The following GRM8 variants were observed in gnomAD, a reference collection of about 807,000 sequenced individuals.
The protein encoded by GRM8 is metabotropic glutamate receptor 8.
In GRM8, 47 loss-of-function variants were observed where a neutral mutation model predicts 87.2. The ratio of observed to expected loss-of-function variants is 0.54; its 90% CI spans 0.43 to 0.69. The LOEUF (loss-of-function observed/expected upper bound fraction) is 0.69. Ranked by LOEUF, GRM8 falls within the 30% of genes least tolerant of loss-of-function variation. The pLI, the probability that GRM8 is intolerant of heterozygous loss-of-function variation, is 0.00. For synonymous variants in GRM8, 396 were observed against 404.5 expected (o/e 0.98, Z 0.25); for missense variants, 1,019 against 1,139.2 (o/e 0.89, Z 1.52).
chr7:126,643,322 ATATATATATATATAT>A (rs1802676247), intron 7 of GRM8, among the ~76,000 whole-genome samples: 1 of 12,796 alleles, frequency 7.8e-5, no homozygotes, highest in Non-Finnish European at 1.3e-4. Flanking sequence ...AAAAAAAAAT[ATATATATATATATAT>A]ATATATATAT....
chr7:126,471,953 A>G lies in GRM8; in HGVS notation c.2431-25581T>C, dbSNP rs559030995. Among the ~76,000 whole-genome samples the G allele has an allele frequency of 2.0e-3, 298 of 152,258 alleles. 2 individuals carry two copies. The highest frequency in any genetic ancestry group is 6.8e-3 in the African/African-American group (281 of 41,540). On this transcript the variant is annotated intron_variant, in intron 9 of 10. Transcript: ENST00000339582. ...TAGGTATTTTATTCTCTTTGAAGCA[A>G]TTGTGAATGGGAGTTCACTCATGAT... is the stretch of plus-strand genomic sequence containing the variant.
intron 9 of GRM8, among the ~76,000 whole-genome samples, chr7:126,517,640 T>G (rs1401112419): frequency 6.6e-6 from 1 of 151,812 alleles, no homozygotes; most frequent in Non-Finnish European, 1.5e-5. Context: ...ATTGATTATA[T>G]AAAATATTAT....
At chr7:126,779,969 TAAATGAGACAATGTA>T (rs1819887116) in intron 6 of GRM8, among the ~76,000 whole-genome samples, 1 of 152,186 alleles carries the variant, frequency 6.6e-6, no homozygotes, top group Non-Finnish European at 1.5e-5. Context: ...CTGTGAGGAT[TAAATGAGACAATGTA>T]AGGCATCTGG....
intron 3 of GRM8, among the ~76,000 whole-genome samples, chr7:126,928,943 G>T (rs1289151177): frequency 6.6e-6 from 1 of 152,166 alleles, no homozygotes; most frequent in Non-Finnish European, 1.5e-5. Flanking sequence ...GAATCCTCTT[G>T]CAGGTCAGAA....
chr7:126,739,015 T>C (rs918867072), intron 7 of GRM8, among the ~76,000 whole-genome samples: 2 of 151,636 alleles, frequency 1.3e-5, no homozygotes, highest in Non-Finnish European at 1.5e-5. Flanking sequence ...GAAGGAAATA[T>C]TGGTACAGGG....
intron 8 of GRM8, among the ~76,000 whole-genome samples, chr7:126,591,556 G>T (rs1368619654): frequency 6.6e-6 from 1 of 151,634 alleles, no homozygotes; most frequent in African/African-American, 2.4e-5. Flanking sequence ...AACATTCAAA[G>T]ATAAATTTAA....
At chr7:126,633,516 G>C (rs1332071124) in intron 7 of GRM8, among the ~76,000 whole-genome samples, 1 of 152,074 alleles carries the variant, frequency 6.6e-6, no homozygotes, top group African/African-American at 2.4e-5. Flanking sequence ...GGAGCACTTG[G>C]ATGACAAAAT....
intron 7 of GRM8, among the ~76,000 whole-genome samples, chr7:126,755,958 A>G (rs1310128159): frequency 6.6e-6 from 1 of 152,026 alleles, no homozygotes; most frequent in African/African-American, 2.4e-5. Context: ...TAATTCTTCA[A>G]TTCAACCTTA....
chr7:127,025,854 T>C (rs1485889958), intron 3 of GRM8, among the ~76,000 whole-genome samples: 1 of 151,976 alleles, frequency 6.6e-6, no homozygotes, highest in Non-Finnish European at 1.5e-5. Context: ...CATTTCTAGG[T>C]GATTTATATA....
At chr7:126,806,511 T>G (rs1453187336) in intron 6 of GRM8, among the ~76,000 whole-genome samples, 1 of 152,244 alleles carries the variant, frequency 6.6e-6, no homozygotes, top group Non-Finnish European at 1.5e-5. Flanking sequence ...ACCCACATCC[T>G]GCTGATTGGT....
chr7:127,019,087 A>G (rs1815995558), intron 3 of GRM8, among the ~76,000 whole-genome samples: 1 of 152,076 alleles, frequency 6.6e-6, no homozygotes, highest in South Asian at 2.1e-4. Context: ...GATGACATAT[A>G]CAGAAACAAA....
At chr7:126,851,333 C>A (rs1379462504) in intron 6 of GRM8, among the ~76,000 whole-genome samples, 1 of 152,106 alleles carries the variant, frequency 6.6e-6, no homozygotes, top group Non-Finnish European at 1.5e-5. Context: ...CTAACTGCCC[C>A]CACCCTGATT....
intron 3 of GRM8, among the ~76,000 whole-genome samples, chr7:126,963,841 A>G (rs1809561565): frequency 6.6e-6 from 1 of 152,200 alleles, no homozygotes; most frequent in African/African-American, 2.4e-5. Context: ...GAACCAAAAA[A>G]GAGCCCACAT....
chr7:127,058,349 T>C (rs1211238389), intron 3 of GRM8, among the ~76,000 whole-genome samples: 2 of 152,130 alleles, frequency 1.3e-5, no homozygotes, highest in African/African-American at 4.8e-5. Flanking sequence ...GATCTCAAAT[T>C]AGGAGAATTT....
chr7:127,236,457 G>A (rs1797985926), intron 2 of GRM8, among the ~76,000 whole-genome samples: 1 of 152,182 alleles, frequency 6.6e-6, no homozygotes, highest in Non-Finnish European at 1.5e-5. Context: ...CAAAGGAGAA[G>A]CAAGAAACCT....
At chr7:126,882,844 A>G (rs1379083750) in intron 6 of GRM8, among the ~76,000 whole-genome samples, 1 of 152,156 alleles carries the variant, frequency 6.6e-6, no homozygotes, top group Admixed American at 6.5e-5. Flanking sequence ...AATGTGAAAT[A>G]GTATCCTCAT....
At chr7:126,649,763 C>T (rs139013642) in intron 7 of GRM8, among the ~76,000 whole-genome samples, 6 of 152,276 alleles carry the variant, frequency 3.9e-5, no homozygotes, top group East Asian at 3.9e-4. Flanking sequence ...GCCCATTTAT[C>T]GAGTGACCCA....
chr7:126,504,352 T>C lies in GRM8; in HGVS notation c.2430+28600A>G, dbSNP rs75699047. On this transcript the variant is annotated intron_variant, in intron 9 of 10. Coordinates refer to ENST00000339582, the MANE Select transcript of GRM8 (RefSeq NM_000845.3). ...ATTCTCATATTAATTCAGTGTTTCA[T>C]CTGTTATTATAAGTCAAAATGTCCT... Among the ~76,000 whole-genome samples, 377 of 152,220 alleles carry C rather than the reference T, an allele frequency of 2.5e-3. 2 individuals carry two copies. The highest frequency in any genetic ancestry group is 8.2e-3 in the African/African-American group (342 of 41,566).
intron 6 of GRM8, among the ~76,000 whole-genome samples, chr7:126,853,343 C>A: frequency 6.6e-6 from 1 of 151,710 alleles, no homozygotes; most frequent in Non-Finnish European, 1.5e-5. Context: ...TTTTTTAAGT[C>A]TTTGTTCTCT....
Sources: allele counts gnomAD v4.1 joint callset (sites outside exome capture counted in the v4.1 genomes callset), GRCh38; gene constraint gnomAD v4.1.1; transcripts MANE v1.5; gene names NCBI Gene and HGNC (gene_info 2026-07-23, HGNC 2026-07-21).